Variants in FOXK2 observed in about 807,000 individuals in gnomAD.
FOXK2 encodes forkhead box protein K2.
A neutral mutation model predicts 53.3 loss-of-function variants in FOXK2; 24 were observed. That is an observed-to-expected ratio of 0.45 (90% confidence interval 0.33 to 0.63). FOXK2 has a LOEUF of 0.63. Ranked by LOEUF, FOXK2 falls within the 30% of genes least tolerant of loss-of-function variation. FOXK2 has a pLI of 0.03. For missense variants in FOXK2, 952 were observed against 910.5 expected, an observed-to-expected ratio of 1.05 and a Z score of -0.59; for synonymous variants, 505 against 407.1, an observed-to-expected ratio of 1.24 and a Z score of -2.89.
chr17:82,558,704 T>G (rs1325376942), intron 1 of FOXK2, among the ~76,000 whole-genome samples: 2 of 152,064 alleles, frequency 1.3e-5, no homozygotes, highest in Non-Finnish European at 2.9e-5. Flanking sequence ...GGAATAAATA[T>G]AGCACAGTGG....
In FOXK2 at chr17:82,571,695, T is replaced by C. The variant is rs370059041; in HGVS notation, c.763-29T>C. 1.0e-5 allele frequency: 15 copies of C among 1,472,282 alleles called. No homozygotes were observed. The African/African-American group carries it at 1.9e-4, about 19-fold the overall frequency. The allele number at this position is 1,472,282 out of a possible 1,614,324, so 91.2% of individuals were successfully genotyped here. A position where few individuals can be genotyped will look rare whatever the true frequency, so the allele number is the denominator to read the frequency against. On this transcript the variant is annotated intron_variant, in intron 3 of 8. Transcript: ENST00000335255. ...AATACAAAATATGGTAACTTCAATA[T>C]TCGTTTTGTGTTTGTTTTTTAAATA...
chr17:82,530,439 T>TCGTATG (rs2044461931), intron 1 of FOXK2, among the ~76,000 whole-genome samples: 1 of 65,518 alleles, frequency 1.5e-5, no homozygotes, highest in African/African-American at 5.8e-5. Context: ...AGAGTGAAAC[T>TCGTATG]CCATCTAAAA....
chr17:82,531,381 G>A (rs954997448), intron 1 of FOXK2, among the ~76,000 whole-genome samples: 2 of 151,624 alleles, frequency 1.3e-5, no homozygotes, highest in Non-Finnish European at 2.9e-5. Flanking sequence ...ACTTTTTTTT[G>A]TTTTTGTTGA....
chr17:82,596,717 C>A (rs1469755628), intron 8 of FOXK2, among the ~76,000 whole-genome samples: 1 of 152,200 alleles, frequency 6.6e-6, no homozygotes, highest in African/African-American at 2.4e-5. Context: ...AGCCTGCTGG[C>A]GTCTTGATTG....
At chr17:82,536,470 T>A (rs1380382747) in intron 1 of FOXK2, among the ~76,000 whole-genome samples, 1 of 152,246 alleles carries the variant, frequency 6.6e-6, no homozygotes, top group African/African-American at 2.4e-5. Context: ...TAACGACTTT[T>A]CCAAGCTATT....
chr17:82,542,590 G>A (rs1310852100), intron 1 of FOXK2, among the ~76,000 whole-genome samples: 1 of 152,142 alleles, frequency 6.6e-6, no homozygotes, highest in East Asian at 1.9e-4. Context: ...GAATTACTGG[G>A]ATTACAGGTG....
chr17:82,530,965 A>T (rs1288605651), intron 1 of FOXK2, among the ~76,000 whole-genome samples: 1 of 152,208 alleles, frequency 6.6e-6, no homozygotes, highest in African/African-American at 2.4e-5. Context: ...TCATTTTGAT[A>T]GCCATTTGAG....
At chr17:82,564,739 T>G (rs570298134) in intron 2 of FOXK2, among the ~76,000 whole-genome samples, 2 of 151,822 alleles carry the variant, frequency 1.3e-5, no homozygotes, top group East Asian at 3.9e-4. Context: ...AAATGGTTTT[T>G]TTTTTTTTTG....
chr17:82,590,941 A>G (rs1236168799), intron 8 of FOXK2, among the ~76,000 whole-genome samples: 1 of 152,128 alleles, frequency 6.6e-6, no homozygotes, highest in African/African-American at 2.4e-5. Flanking sequence ...GCCTGCCCTA[A>G]GGGGGTTCCA....
chr17:82,520,284 G>A lies in FOXK2; in HGVS notation c.396G>A (p.Ala132=). 1 of 1,267,886 alleles carries A rather than the reference G, an allele frequency of 7.9e-7. No homozygotes were observed. Among genetic ancestry groups the A allele is most frequent in the Non-Finnish European group, 1.0e-6 (1 of 1,002,298 alleles). 78.5% of individuals were successfully genotyped at this position (1,267,886 alleles called of 1,614,324 possible). ...ACGGCGTGTTCCAGAGGCGCGGGGC[G>A]CCGCCGCTGCAGCTGCCGCGCGTGT... ...FVDGVFQRRG[A]PPLQLPRVCT... Residue 132 remains alanine (A), a synonymous_variant, in exon 1 of 9, where the codon GCG becomes GCA. Transcript: ENST00000335255.
intron 1 of FOXK2, among the ~76,000 whole-genome samples, chr17:82,546,895 G>C (rs2044630817): frequency 6.6e-6 from 1 of 151,950 alleles, no homozygotes; most frequent in African/African-American, 2.4e-5. Context: ...CGCCCAACAT[G>C]GTGAAACCCC....
intron 1 of FOXK2, among the ~76,000 whole-genome samples, chr17:82,531,871 G>A (rs542520906): frequency 2.6e-4 from 40 of 152,170 alleles, no homozygotes; most frequent in African/African-American, 3.9e-4. Flanking sequence ...AAGGAGTTTC[G>A]CTTTTGTCGC....
chr17:82,599,668 G>A (rs67964892), intron 8 of FOXK2: 41,472 of 152,078 alleles, frequency 0.27, 6,472 homozygotes, highest in South Asian at 0.37. Flanking sequence ...TGGCTGCCCC[G>A]GCTATCTGGC....
In FOXK2 at chr17:82,602,821, C is replaced by T. The variant is rs1327960755; in HGVS notation, c.*1322C>T. The T allele has an allele frequency of 1.3e-5, 2 of 152,250 alleles. No homozygotes were observed. Among genetic ancestry groups the T allele is most frequent in the Non-Finnish European group, 2.9e-5 (2 of 68,028 alleles). The allele number at this position is 152,250 out of a possible 1,614,324, so 9.4% of individuals were successfully genotyped here. A position where few individuals can be genotyped will look rare whatever the true frequency, so the allele number is the denominator to read the frequency against. On this transcript the variant is annotated 3_prime_UTR_variant, in exon 9 of 9. Transcript: ENST00000335255. ...GAGTGTGCCGGCCGAGGGCCGAGGG[C>T]CGTGCACATGGGGAGAGGGCGTCAG...
In FOXK2 at chr17:82,602,815, C is replaced by T. The variant is rs754203656; in HGVS notation, c.*1316C>T. 1 of 152,232 alleles carries T rather than the reference C, an allele frequency of 6.6e-6. No homozygotes were observed. Among genetic ancestry groups the T allele is most frequent in the South Asian group, 2.1e-4 (1 of 4,834 alleles). 9.4% of individuals were successfully genotyped at this position (152,232 alleles called of 1,614,324 possible). ...CTTCCCGAGTGTGCCGGCCGAGGGCCGAGGGCCGTGCACATGGGGAGAGGG... is the reference window on the plus strand; with the variant it reads ...CTTCCCGAGTGTGCCGGCCGAGGGCTGAGGGCCGTGCACATGGGGAGAGGG... On this transcript the variant is annotated 3_prime_UTR_variant, in exon 9 of 9. Transcript: ENST00000335255.
intron 1 of FOXK2, among the ~76,000 whole-genome samples, chr17:82,545,882 G>A (rs1221351125): frequency 2.0e-5 from 3 of 151,774 alleles, no homozygotes; most frequent in African/African-American, 7.3e-5. Context: ...GCGCTTGGCC[G>A]ATGTGTTCAG....
chr17:82,519,854 C>T lies in FOXK2; in HGVS notation c.-35C>T. The T allele has an allele frequency of 5.3e-6, 5 of 952,226 alleles. No homozygotes were observed. The highest frequency in any genetic ancestry group is 6.2e-6 in the Non-Finnish European group (5 of 803,562). 59.0% of individuals were successfully genotyped at this position (952,226 alleles called of 1,614,324 possible). On this transcript the variant is annotated 5_prime_UTR_variant, in exon 1 of 9. Coordinates refer to ENST00000335255, the MANE Select transcript of FOXK2 (RefSeq NM_004514.4). The stretch of plus-strand genomic sequence containing the variant: ...GGCCTCGGCCCGCGCCACCGGCGCC[C>T]GCGCGGAGCGGCCCGGGGGCCCTCA...
chr17:82,531,555 C>G (rs1256836670), intron 1 of FOXK2, among the ~76,000 whole-genome samples: 1 of 152,186 alleles, frequency 6.6e-6, no homozygotes, highest in East Asian at 1.9e-4. Flanking sequence ...CACACCCAGG[C>G]TGTGTGTATA....
intron 8 of FOXK2, chr17:82,587,550 C>T (rs978451686): frequency 4.3e-6 from 2 of 460,864 alleles, no homozygotes; most frequent in Non-Finnish European, 8.0e-6. Context: ...CTGGGTGTGG[C>T]CTGGAAGCGG....
Sources: gnomAD v4.1 joint callset for allele counts (sites outside exome capture counted in the v4.1 genomes callset) on GRCh38, gnomAD v4.1.1 for gene constraint, MANE v1.5 for transcripts, NCBI Gene and HGNC (gene_info 2026-07-23, HGNC 2026-07-21) for gene names.